Variants in ODR4 observed in about 807,000 individuals in gnomAD.
ODR4 encodes the protein odr-4 GPCR localization factor homolog.
A neutral mutation model predicts 60.2 loss-of-function variants in ODR4; 47 were observed. The observed-to-expected ratio is 0.78, with a 90% confidence interval of 0.62 to 1.00. ODR4 has a LOEUF of 1.00. Ranked by LOEUF, ODR4 falls within the 50% of genes least tolerant of loss-of-function variation. The pLI is 0.00. For synonymous variants in ODR4, 178 were observed against 175.5 expected, an observed-to-expected ratio of 1.01 and a Z score of -0.11; for missense variants, 488 against 530.8, an observed-to-expected ratio of 0.92 and a Z score of 0.79.
intron 11 of ODR4, among the ~76,000 whole-genome samples, chr1:186,402,620 A>G (rs1661027784): frequency 6.7e-6 from 1 of 149,040 alleles, no homozygotes; most frequent in South Asian, 2.1e-4. Flanking sequence ...TATGTTGTCC[A>G]GGCTGTAGTC....
intron 13 of ODR4, among the ~76,000 whole-genome samples, chr1:186,418,270 A>G (rs1018053281): frequency 2.7e-5 from 4 of 146,684 alleles, no homozygotes; most frequent in Admixed American, 2.0e-4. Context: ...CTGGACTACT[A>G]TGGTCATTTT....
chr1:186,399,117 A>G, intron 11 of ODR4, 73 bp downstream of exon 11: 1 of 929,364 alleles, frequency 1.1e-6, no homozygotes, highest in Non-Finnish European at 1.7e-6. Flanking sequence ...GATATAGCAG[A>G]TACGTCATCT....
At chr1:186,412,199 C>T (rs1334149519) in intron 12 of ODR4, among the ~76,000 whole-genome samples, 1 of 152,112 alleles carries the variant, frequency 6.6e-6, no homozygotes, top group East Asian at 1.9e-4. Context: ...CAAGGTGGCC[C>T]ATGTGCTGTA....
At chr1:186,417,363 G>A (rs375394720) in intron 12 of ODR4, 181 bp from the exon 13 acceptor site, 7 of 550,088 alleles carry the variant, frequency 1.3e-5, no homozygotes, top group East Asian at 3.3e-5. Flanking sequence ...TTAATTTGAC[G>A]TATATTCTAT....
At chr1:186,404,759 C>G (rs1477000960) in intron 11 of ODR4, among the ~76,000 whole-genome samples, 3 of 152,086 alleles carry the variant, frequency 2.0e-5, no homozygotes, top group African/African-American at 4.8e-5. Context: ...AGGCATTGTT[C>G]GTCATCTTCT....
chr1:186,407,520 AT>A (rs1248373988), intron 12 of ODR4, among the ~76,000 whole-genome samples: 1 of 152,116 alleles, frequency 6.6e-6, no homozygotes, highest in Admixed American at 6.5e-5. Context: ...TGGTAGGATC[AT>A]TCAAATTGAC....
intron 11 of ODR4, among the ~76,000 whole-genome samples, chr1:186,402,231 T>TTTCTTTCTTTCCTTCC (rs1459855696): frequency 2.7e-5 from 4 of 149,468 alleles, no homozygotes; most frequent in African/African-American, 1.0e-4. Flanking sequence ...TCTTTCTTTC[T>TTTCTTTCTTTCCTTCC]TTCCTTTCTT....
intron 12 of ODR4, among the ~76,000 whole-genome samples, chr1:186,416,235 C>T (rs374778895): frequency 6.6e-6 from 1 of 152,050 alleles, no homozygotes; most frequent in Non-Finnish European, 1.5e-5. Flanking sequence ...GCTAAAACCA[C>T]CAATAATGAT....
rs200110444 is a variant in ODR4 at position 186,396,807 on chromosome 1, ATG to A, written c.781-1502_781-1501del. ...TATATTTACATATACTAATATATAAATGTGTTATATGTTAAAAATATATAAAT... is the reference window on the plus strand; with the variant it reads ...TATATTTACATATACTAATATATAAATGTTATATGTTAAAAATATATAAAT... On this transcript the variant is annotated intron_variant, in intron 9 of 13. Transcript: ENST00000287859. Among the ~76,000 whole-genome samples, 624 of 152,098 alleles carry A rather than the reference ATG, an allele frequency of 4.1e-3. 8 individuals carry two copies. The highest frequency in any genetic ancestry group is 0.014 in the African/African-American group (584 of 41,496).
the ODR4 span, among the ~76,000 whole-genome samples, chr1:186,434,432 GC>G: frequency 2.6e-5 from 4 of 152,010 alleles, no homozygotes; most frequent in Non-Finnish European, 5.9e-5. Context: ...TGGAATGATT[GC>G]CTCTTTAAAT....
At chr1:186,401,094 A>G (rs879078532) in intron 11 of ODR4, 2 of 1,596,406 alleles carry the variant, frequency 1.3e-6, no homozygotes, top group Non-Finnish European at 1.7e-6. Flanking sequence ...TAGCAGACAC[A>G]TTAGTATACT....
intron 12 of ODR4, among the ~76,000 whole-genome samples, chr1:186,416,665 C>CT (rs1252518238): frequency 6.6e-6 from 1 of 151,778 alleles, no homozygotes; most frequent in African/African-American, 2.4e-5. Context: ...GAGCAAGACT[C>CT]TGTCTCAAAT....
downstream of ODR4, among the ~76,000 whole-genome samples, chr1:186,424,972 G>GAA (rs61156981): frequency 1.6e-5 from 2 of 127,604 alleles, no homozygotes; most frequent in Non-Finnish European, 1.7e-5. Context: ...CTAGATTAAA[G>GAA]AAAAAAAAAA....
At chr1:186,377,846 C>G (rs541974845) in intron 1 of ODR4, among the ~76,000 whole-genome samples, 45 of 152,296 alleles carry the variant, frequency 3.0e-4, no homozygotes, top group African/African-American at 1.1e-3. Context: ...GAGATCGAGA[C>G]TATCCTGGCT....
In ODR4 at chr1:186,406,096, G is replaced by A. The variant is rs926190015; in HGVS notation, c.1014G>A (p.Glu338=). ...EIPEKKDSEK[E]FHVLPYRVFV... is the part of the protein sequence containing the mutation. ...TTTTCCTTTTAGATTCTGAAAAAGA[G>A]TTCCACGTCCTCCCTTATCGAGTCT... is the stretch of plus-strand genomic sequence containing the variant. The change falls in exon 12 of 14, where the codon GAG becomes GAA. Residue 338 remains glutamate (E), a synonymous_variant. Coordinates refer to ENST00000287859, the MANE Select transcript of ODR4 (RefSeq NM_017847.6). 1 of 1,566,190 alleles carries A rather than the reference G, an allele frequency of 6.4e-7. No homozygotes were observed. Among genetic ancestry groups the A allele is most frequent in the African/African-American group, 1.4e-5 (1 of 72,860 alleles).
chr1:186,426,305 C>T (rs1217535158), downstream of ODR4, among the ~76,000 whole-genome samples: 1 of 152,180 alleles, frequency 6.6e-6, no homozygotes, highest in Non-Finnish European at 1.5e-5. Flanking sequence ...ACTCATGACT[C>T]TTTGTATAGA....
At chr1:186,390,991 G>A (rs892550175) in intron 7 of ODR4, 140 bp downstream of exon 7, 34 of 890,528 alleles carry the variant, frequency 3.8e-5, no homozygotes, top group African/African-American at 1.5e-4. Flanking sequence ...ACTTATTACC[G>A]CAGCCAAATT....
downstream of ODR4, among the ~76,000 whole-genome samples, chr1:186,421,715 TC>T (rs2102106999): frequency 6.6e-6 from 1 of 151,966 alleles, no homozygotes; most frequent in East Asian, 1.9e-4. Flanking sequence ...TACACAAAAA[TC>T]AGCTGCGTGT....
the ODR4 span, among the ~76,000 whole-genome samples, chr1:186,427,014 T>C: frequency 6.6e-6 from 1 of 152,222 alleles, no homozygotes; most frequent in Non-Finnish European, 1.5e-5. Context: ...TCAGCCATAA[T>C]CTTTTTGACC....
Sources: gnomAD v4.1 joint callset for allele counts (sites outside exome capture counted in the v4.1 genomes callset) on GRCh38, gnomAD v4.1.1 for gene constraint, MANE v1.5 for transcripts, NCBI Gene and HGNC (gene_info 2026-07-23, HGNC 2026-07-21) for gene names.